ANKDD1B: variants seen among roughly 807,000 people sequenced by gnomAD.
ANKDD1B encodes ankyrin repeat and death domain containing 1B.
ANKDD1B carries 57 observed loss-of-function variants against 59.7 expected under a neutral mutation model. The ratio of observed to expected loss-of-function variants is 0.95; its 90% CI spans 0.77 to 1.19. The LOEUF is 1.19. Ranked by LOEUF, ANKDD1B falls within the 50% of genes most tolerant of loss-of-function variation. The probability of loss-of-function intolerance (pLI) is 0.00; values close to 1 mark genes in which losing one functional copy is unlikely to be tolerated. For synonymous variants in ANKDD1B, 216 were observed against 239.5 expected (o/e 0.90, Z 0.91); for missense variants, 602 against 641.9 (o/e 0.94, Z 0.67).
intron 10 of ANKDD1B, among the ~76,000 whole-genome samples, chr5:75,662,119 C>T (rs1775172587): frequency 6.6e-6 from 1 of 152,088 alleles, no homozygotes; most frequent in Non-Finnish European, 1.5e-5. Flanking sequence ...TGGATTTTCA[C>T]TCCAGCATAT....
At chr5:75,635,749 C>CA in intron 6 of ANKDD1B, 35 bp from the exon 7 acceptor site, 1 of 1,363,688 alleles carries the variant, frequency 7.3e-7, no homozygotes, top group Admixed American at 2.0e-5. Flanking sequence ...TCTCCTGGCA[C>CA]AGGGGTTTCT....
At chr5:75,629,884 G>T (rs2112971561) in intron 5 of ANKDD1B, among the ~76,000 whole-genome samples, 1 of 152,332 alleles carries the variant, frequency 6.6e-6, no homozygotes, top group South Asian at 2.1e-4. Context: ...GCTGCAGTGA[G>T]CTGAGATCAT....
intron 7 of ANKDD1B, among the ~76,000 whole-genome samples, chr5:75,647,956 C>T (rs1277108499): frequency 8.6e-6 from 1 of 116,070 alleles, no homozygotes; most frequent in Non-Finnish European, 1.6e-5. Context: ...TTTGTAGGGA[C>T]ATGGATGAAA....
intron 1 of ANKDD1B, among the ~76,000 whole-genome samples, chr5:75,612,381 T>C (rs1000661927): frequency 8.4e-6 from 1 of 119,100 alleles, no homozygotes; most frequent in Admixed American, 8.6e-5. Context: ...TGTTGCTCTG[T>C]TGCACAGGCT....
At chr5:75,638,586 T>G (rs1774378536) in intron 7 of ANKDD1B, among the ~76,000 whole-genome samples, 1 of 152,218 alleles carries the variant, frequency 6.6e-6, no homozygotes, top group Non-Finnish European at 1.5e-5. Flanking sequence ...GAAATATAAA[T>G]TTTTAAAATT....
intron 9 of ANKDD1B, among the ~76,000 whole-genome samples, chr5:75,658,424 T>C (rs994373773): frequency 6.6e-6 from 1 of 152,184 alleles, no homozygotes; most frequent in African/African-American, 2.4e-5. Context: ...GCATTCCTTT[T>C]GGTGAGAGGT....
At chr5:75,648,267 T>TA (rs57389631) in intron 7 of ANKDD1B, among the ~76,000 whole-genome samples, 14 of 87,424 alleles carry the variant, frequency 1.6e-4, no homozygotes, top group African/African-American at 4.4e-4. Context: ...AAAAAAAAAT[T>TA]AAAAAAAAAA....
chr5:75,632,244 C>G (rs253409), intron 5 of ANKDD1B, among the ~76,000 whole-genome samples: 87,139 of 151,984 alleles, frequency 0.57, 28,914 homozygotes, highest in Non-Finnish European at 0.72. Flanking sequence ...CCAAACCATA[C>G]TAAGGAAAGG....
In ANKDD1B at chr5:75,634,934, G is replaced by A; in HGVS notation, c.637G>A (p.Gly213Ser). Residue 213 changes from glycine (G) to serine (S), a missense_variant, in exon 6 of 14, where the codon GGC becomes AGC. Coordinates refer to ENST00000601380, the MANE Select transcript of ANKDD1B (RefSeq NM_001276713.2). The stretch of plus-strand genomic sequence containing the variant: ...ACCATTTCTTTTGGCAGCTGAGAGG[G>A]GCCATGTTGAAATGATAGAAAAACT... ...RKPFLLAAER[G>S]HVEMIEKLTF... The A allele has an allele frequency of 6.5e-7, 1 of 1,535,568 alleles. No homozygotes were observed. Among genetic ancestry groups the A allele is most frequent in the Non-Finnish European group, 8.7e-7 (1 of 1,146,394 alleles).
In ANKDD1B at chr5:75,611,502, G is replaced by C. The variant is rs780161066; in HGVS notation, c.-133G>C. The C allele has an allele frequency of 4.8e-6, 3 of 630,650 alleles. No individual in the cohort carries two copies. The highest frequency in any genetic ancestry group is 3.8e-5 in the African/African-American group (2 of 52,656). The allele number at this position is 630,650 out of a possible 1,614,324, so 39.1% of individuals were successfully genotyped here. A position where few individuals can be genotyped will look rare whatever the true frequency, so the allele number is the denominator to read the frequency against. ...GAGAGCGGACTCGATCCTGCGCTCCGGCCGGGCTGACCTGCCTGCGTCCAG... is the reference window on the plus strand; with the variant it reads ...GAGAGCGGACTCGATCCTGCGCTCCCGCCGGGCTGACCTGCCTGCGTCCAG... On this transcript the variant is annotated 5_prime_UTR_variant, in exon 1 of 14. Coordinates refer to ENST00000601380, the MANE Select transcript of ANKDD1B (RefSeq NM_001276713.2).
chr5:75,654,662 A>G (rs1357534683), intron 8 of ANKDD1B, among the ~76,000 whole-genome samples: 1 of 152,184 alleles, frequency 6.6e-6, no homozygotes, highest in Non-Finnish European at 1.5e-5. Context: ...CCTGGGCAAC[A>G]GAGTGAAACC....
At chr5:75,623,322 C>T (rs1336726925) in intron 3 of ANKDD1B, among the ~76,000 whole-genome samples, 1 of 152,086 alleles carries the variant, frequency 6.6e-6, no homozygotes, top group Admixed American at 6.6e-5. Flanking sequence ...ACCTTGGCCT[C>T]CCAAAGTGCT....
At chr5:75,622,744 G>T (rs781249846) in intron 3 of ANKDD1B, among the ~76,000 whole-genome samples, 1 of 152,136 alleles carries the variant, frequency 6.6e-6, no homozygotes, top group Non-Finnish European at 1.5e-5. Flanking sequence ...ACAGAGCTTC[G>T]TGAGCCAACT....
At chr5:75,657,331 T>G (rs1775003300) in intron 9 of ANKDD1B, among the ~76,000 whole-genome samples, 1 of 152,090 alleles carries the variant, frequency 6.6e-6, no homozygotes, top group South Asian at 2.1e-4. Flanking sequence ...AAATTTTATA[T>G]TTTAAATATA....
chr5:75,622,409 A>G (rs972989716), intron 3 of ANKDD1B, among the ~76,000 whole-genome samples: 1 of 152,174 alleles, frequency 6.6e-6, no homozygotes, highest in African/African-American at 2.4e-5. Flanking sequence ...TGCAGGGCCT[A>G]CAGTCTATCT....
At chr5:75,617,990 T>A (rs1394480599) in intron 2 of ANKDD1B, among the ~76,000 whole-genome samples, 2 of 151,890 alleles carry the variant, frequency 1.3e-5, no homozygotes, top group Admixed American at 6.6e-5. Flanking sequence ...GATTGGTATG[T>A]CTGTGTATAA....
At chr5:75,636,950 G>A (rs1774320682) in intron 7 of ANKDD1B, among the ~76,000 whole-genome samples, 1 of 151,878 alleles carries the variant, frequency 6.6e-6, no homozygotes, top group African/African-American at 2.4e-5. Context: ...TTAGCGAGCT[G>A]GAAACTGGTT....
At chr5:75,668,002 A>C (rs1373281109) in intron 12 of ANKDD1B, among the ~76,000 whole-genome samples, 1 of 152,162 alleles carries the variant, frequency 6.6e-6, no homozygotes, top group African/African-American at 2.4e-5. Flanking sequence ...AACTAGAAAA[A>C]TTTTTTTATT....
chr5:75,667,535 A>G (rs992249995), intron 12 of ANKDD1B, among the ~76,000 whole-genome samples: 2 of 152,190 alleles, frequency 1.3e-5, no homozygotes, highest in African/African-American at 2.4e-5. Context: ...CGGCAAATAC[A>G]GACTCAGAGG....
Sources: allele counts gnomAD v4.1 joint callset (sites outside exome capture counted in the v4.1 genomes callset), GRCh38; gene constraint gnomAD v4.1.1; transcripts MANE v1.5; gene names NCBI Gene and HGNC (gene_info 2026-07-23, HGNC 2026-07-21).